The following PLEKHB2 variants were observed in gnomAD, a reference collection of about 807,000 sequenced individuals.
PLEKHB2 encodes pleckstrin homology domain-containing family B member 2.
Under a neutral mutation model 36.5 loss-of-function variants are expected in PLEKHB2, and 31 were observed. The ratio of observed to expected loss-of-function variants is 0.85; its 90% CI spans 0.64 to 1.15. PLEKHB2 has a LOEUF of 1.15. Among genes scored for constraint, PLEKHB2 ranks in the 50% most tolerant of loss-of-function variants. The pLI is 0.00. For missense variants in PLEKHB2, 262 were observed against 295.3 expected (o/e 0.89, Z 0.83); for synonymous variants, 119 against 112.0 (o/e 1.06, Z -0.39).
intron 1 of PLEKHB2, among the ~76,000 whole-genome samples, chr2:131,108,648 CAT>C (rs986626042): frequency 6.6e-6 from 1 of 152,178 alleles, no homozygotes; most frequent in Non-Finnish European, 1.5e-5. Context: ...AAAAAAATCT[CAT>C]AACGTTTTAA....
At chr2:131,113,122 G>T (rs1387289489) in intron 1 of PLEKHB2, among the ~76,000 whole-genome samples, 1 of 150,790 alleles carries the variant, frequency 6.6e-6, no homozygotes, top group Non-Finnish European at 1.5e-5. Flanking sequence ...TCTCACTCCT[G>T]CCCAGGTTGG....
intron 6 of PLEKHB2, among the ~76,000 whole-genome samples, chr2:131,135,126 C>T (rs1698106292): frequency 6.6e-6 from 1 of 151,940 alleles, no homozygotes; most frequent in African/African-American, 2.4e-5. Context: ...GGCTGGAGTG[C>T]AGTGGCGCGA....
chr2:131,132,946 T>G lies in PLEKHB2; in HGVS notation c.378T>G (p.Val126=). The change falls in exon 6 of 8, where the codon GTT becomes GTG. Residue 126 remains valine, a synonymous_variant. Transcript: ENST00000693505. ...SAVMTDETSV[V]SSPPPYTAYA... ...TCATGACCGATGAGACATCCGTGGT[T>G]TCCTCACCTCCACCATACACGGCCT... is the stretch of plus-strand genomic sequence containing the variant. 1 of 1,614,036 alleles carries G rather than the reference T, an allele frequency of 6.2e-7. No individual in the cohort carries two copies. Among genetic ancestry groups the G allele is most frequent in the Non-Finnish European group, 8.5e-7 (1 of 1,179,890 alleles).
At chr2:131,109,653 A>G (rs745875504) in intron 1 of PLEKHB2, among the ~76,000 whole-genome samples, 2 of 151,292 alleles carry the variant, frequency 1.3e-5, no homozygotes, top group East Asian at 2.0e-4. Flanking sequence ...TCGCGCCACT[A>G]TACTCCAGCC....
chr2:131,131,902 C>T (rs975783276), intron 5 of PLEKHB2, among the ~76,000 whole-genome samples: 3 of 151,624 alleles, frequency 2.0e-5, no homozygotes, highest in Admixed American at 6.6e-5. Flanking sequence ...GGAGCGATCT[C>T]GGCTCACTGC....
intron 2 of PLEKHB2, among the ~76,000 whole-genome samples, chr2:131,122,921 C>T (rs1378342098): frequency 6.6e-6 from 1 of 152,202 alleles, no homozygotes; most frequent in Non-Finnish European, 1.5e-5. Flanking sequence ...GACCCTTGCT[C>T]AGACCTTGAG....
rs146925317 is a variant in PLEKHB2 at position 131,140,190 on chromosome 2, C to T, written c.447C>T (p.Tyr149=). The part of the protein sequence containing the change: ...APEQAYGYGP[Y]GGAYPPGTQV... Reference sequence around the variant, plus strand: ...AGCAGGCTTATGGCTATGGGCCATACGGTGGTGCGTACCCGCCAGGAACTC... The same window carrying T: ...AGCAGGCTTATGGCTATGGGCCATATGGTGGTGCGTACCCGCCAGGAACTC... Residue 149 remains tyrosine, a synonymous_variant, in exon 7 of 8, where the codon TAC becomes TAT. Transcript: ENST00000693505. 89 of 1,612,004 alleles carry T rather than the reference C, an allele frequency of 5.5e-5. No homozygotes were observed. The highest frequency in any genetic ancestry group is 3.5e-4 in the Admixed American group (21 of 59,992).
intron 6 of PLEKHB2, among the ~76,000 whole-genome samples, chr2:131,133,785 A>T (rs1354979455): frequency 6.6e-6 from 1 of 152,216 alleles, no homozygotes; most frequent in African/African-American, 2.4e-5. Context: ...CAACAATGTC[A>T]TATAAATGAA....
intron 1 of PLEKHB2, among the ~76,000 whole-genome samples, chr2:131,109,379 A>C (rs989988106): frequency 2.0e-5 from 3 of 152,198 alleles, no homozygotes; most frequent in Non-Finnish European, 4.4e-5. Context: ...TCAAAATAAT[A>C]CATGTACATA....
chr2:131,112,328 C>T (rs1695419504), intron 1 of PLEKHB2, among the ~76,000 whole-genome samples: 1 of 152,148 alleles, frequency 6.6e-6, no homozygotes, highest in Non-Finnish European at 1.5e-5. Flanking sequence ...AACACCTTGC[C>T]CTATACATCT....
intron 7 of PLEKHB2, among the ~76,000 whole-genome samples, 181 bp from the exon 8 acceptor site, chr2:131,146,456 T>G (rs549403456): frequency 4.6e-5 from 7 of 152,168 alleles, no homozygotes; most frequent in Non-Finnish European, 1.0e-4. Context: ...GATCTTGGTT[T>G]CCTCCCAGTG....
At chr2:131,146,595 C>G in intron 7 of PLEKHB2, 42 bp from the exon 8 acceptor site, 2 of 1,574,324 alleles carry the variant, frequency 1.3e-6, no homozygotes, top group Non-Finnish European at 1.7e-6. Flanking sequence ...TTAAACTTCA[C>G]AAACCGCTGC....
intron 6 of PLEKHB2, among the ~76,000 whole-genome samples, chr2:131,135,157 C>T (rs752840196): frequency 2.6e-5 from 4 of 151,972 alleles, no homozygotes; most frequent in East Asian, 1.9e-4. Flanking sequence ...CTGCACCCTC[C>T]GCCTCCTGGG....
chr2:131,117,371 G>A (rs940590407), intron 1 of PLEKHB2, among the ~76,000 whole-genome samples: 1 of 152,162 alleles, frequency 6.6e-6, no homozygotes. Context: ...AGGCTGCAGC[G>A]AGCGGAGATC....
In PLEKHB2 at chr2:131,149,200, T is replaced by C. The variant is rs1331556414; in HGVS notation, c.*2427T>C. 4 of 152,226 alleles carry C rather than the reference T, an allele frequency of 2.6e-5. No individual in the cohort carries two copies. Among genetic ancestry groups the C allele is most frequent in the Admixed American group, 2.0e-4 (3 of 15,286 alleles). The allele number at this position is 152,226 out of a possible 1,614,324, so 9.4% of individuals were successfully genotyped here. A position where few individuals can be genotyped will look rare whatever the true frequency, so the allele number is the denominator to read the frequency against. On this transcript the variant is annotated 3_prime_UTR_variant, in exon 8 of 8. Coordinates refer to ENST00000693505, the MANE Select transcript of PLEKHB2 (RefSeq NM_001100623.2). ...TACTGGGTATAAGGTTGCTCAGGTA[T>C]TTTATTTCCTTGGCCACAACTCCCA...
intron 1 of PLEKHB2, 94 bp from the exon 2 acceptor site, chr2:131,120,840 G>C: frequency 7.7e-7 from 1 of 1,302,020 alleles, no homozygotes; most frequent in Non-Finnish European, 1.1e-6. Flanking sequence ...CCCTTCCTCA[G>C]CTGATGCTGA....
In PLEKHB2 at chr2:131,146,727, G is replaced by A; in HGVS notation, c.623G>A (p.Gly208Glu). Residue 208 changes from glycine (G) to glutamate (E), a missense_variant, in exon 8 of 8, where the codon GGA becomes GAA. Coordinates refer to ENST00000693505, the MANE Select transcript of PLEKHB2 (RefSeq NM_001100623.2). ...GACCTGGCACTGGGCATGCTGGCAG[G>A]AGCAGCCACGGGCATGGCCTTAGGG... ...DSDLALGMLAGAATGMALGSL... is the reference protein window; with the variant it reads ...DSDLALGMLAEAATGMALGSL... The A allele has an allele frequency of 6.2e-7, 1 of 1,613,952 alleles. No homozygotes were observed. Among genetic ancestry groups the A allele is most frequent in the Non-Finnish European group, 8.5e-7 (1 of 1,179,928 alleles).
At chr2:131,113,040 A>C (rs2104786938) in intron 1 of PLEKHB2, among the ~76,000 whole-genome samples, 1 of 151,950 alleles carries the variant, frequency 6.6e-6, no homozygotes, top group African/African-American at 2.4e-5. Flanking sequence ...CCAGGTAGAT[A>C]GTGTGACAGT....
At chr2:131,123,962 A>C (rs1573566612) in intron 2 of PLEKHB2, among the ~76,000 whole-genome samples, 1 of 150,122 alleles carries the variant, frequency 6.7e-6, no homozygotes, top group African/African-American at 2.5e-5. Flanking sequence ...GGTCCTCCTG[A>C]CTCAGACTCC....
Sources: gnomAD v4.1 joint callset for allele counts (sites outside exome capture counted in the v4.1 genomes callset) on GRCh38, gnomAD v4.1.1 for gene constraint, MANE v1.5 for transcripts, NCBI Gene and HGNC (gene_info 2026-07-23, HGNC 2026-07-21) for gene names.